SLC22A5: variants seen among roughly 807,000 people sequenced by gnomAD.
SLC22A5 encodes the protein solute carrier family 22 member 5, also known as organic cation/carnitine transporter 2.
In SLC22A5, 44 loss-of-function variants were observed where a neutral mutation model predicts 56.7. The ratio of observed to expected loss-of-function variants is 0.78; its 90% confidence interval spans 0.61 to 1.00. SLC22A5 has a LOEUF of 1.00. Among genes scored for constraint, SLC22A5 ranks in the 50% least tolerant of loss-of-function variants. The probability of loss-of-function intolerance (pLI) is 0.00; values close to 1 mark genes in which losing one functional copy is unlikely to be tolerated. For synonymous variants in SLC22A5, 278 were observed against 292.1 expected (o/e 0.95, Z 0.49); for missense variants, 675 against 723.0 (o/e 0.93, Z 0.76).
chr5:132,369,877 G>C lies in SLC22A5; in HGVS notation c.-96G>C. Reference sequence around the variant, plus strand: ...GACGGTCTTGGGTCGCCTGCTGCCTGGCTTGCCTGGTCGGCGGCGGGTGCC... The same window carrying C: ...GACGGTCTTGGGTCGCCTGCTGCCTCGCTTGCCTGGTCGGCGGCGGGTGCC... On this transcript the variant is annotated 5_prime_UTR_variant, in exon 1 of 10. Coordinates refer to ENST00000245407, the MANE Select transcript of SLC22A5 (RefSeq NM_003060.4). 6.6e-7 allele frequency: 1 copy of C among 1,514,294 alleles called. No homozygotes were observed. Among genetic ancestry groups the C allele is most frequent in the Non-Finnish European group, 8.9e-7 (1 of 1,129,552 alleles). 93.8% of individuals were successfully genotyped at this position (1,514,294 alleles called of 1,614,324 possible).
intron 3 of SLC22A5, among the ~76,000 whole-genome samples, chr5:132,384,578 A>G (rs1752460136): frequency 6.6e-6 from 1 of 152,122 alleles, no homozygotes; most frequent in African/African-American, 2.4e-5. Context: ...TTGATGGTCA[A>G]TTTACTAGGA....
rs370175430 is a variant in SLC22A5 at position 132,385,452 on chromosome 5, G to T, written c.777G>T (p.Leu259=). ...ACTTCATCCGAGACTGGCGGATGCT[G>T]CTGGTGGCGCTGACGATGCCGGGGG... The part of the protein sequence containing the change: ...FAYFIRDWRM[L]LVALTMPGVL... Residue 259 remains leucine, a synonymous_variant, in exon 4 of 10, where the codon CTG becomes CTT. Coordinates refer to ENST00000245407, the MANE Select transcript of SLC22A5 (RefSeq NM_003060.4). 9.9e-6 allele frequency: 16 copies of T among 1,614,212 alleles called. No homozygotes were observed. In the African/African-American group the frequency reaches 1.2e-4, roughly 12 times the overall value.
At position 132,369,719 on chromosome 5, in the gene SLC22A5, G is replaced by C. The variant is rs1311768713; in HGVS notation, c.-254G>C. On this transcript the variant is annotated 5_prime_UTR_variant, in exon 1 of 10. Coordinates refer to ENST00000245407, the MANE Select transcript of SLC22A5 (RefSeq NM_003060.4). The stretch of plus-strand genomic sequence containing the variant: ...GTCCCGCCCCAGCTCCGCCTTCGCC[G>C]GCGCCGCTCTGCCTGCCAGCGGGGC... 4.6e-6 allele frequency: 2 copies of C among 438,018 alleles called. No homozygotes were observed. The highest frequency in any genetic ancestry group is 7.8e-6 in the Non-Finnish European group (2 of 255,300). 27.1% of individuals were successfully genotyped at this position (438,018 alleles called of 1,614,324 possible).
intron 1 of SLC22A5, among the ~76,000 whole-genome samples, chr5:132,372,091 C>G (rs1751956829): frequency 6.6e-6 from 1 of 152,192 alleles, no homozygotes; most frequent in South Asian, 2.1e-4. Flanking sequence ...GATTTCTTAG[C>G]TAGTGACATA....
Position 132,394,526 on chromosome 5 carries a change from C to G in SLC22A5, c.*254C>G, listed in dbSNP as rs539999867. On this transcript the variant is annotated 3_prime_UTR_variant, in exon 10 of 10. Coordinates refer to ENST00000245407, the MANE Select transcript of SLC22A5 (RefSeq NM_003060.4). ...GTCCTAACTATTACAATGATGGACT[C>G]AGCACCTCCAAAGCAGTTAATTTTT... The G allele has an allele frequency of 7.3e-6, 4 of 549,170 alleles. No individual in the cohort carries two copies. The East Asian group carries it at 9.2e-5, about 13-fold the overall frequency. The allele number at this position is 549,170 out of a possible 1,614,324, so 34.0% of individuals were successfully genotyped here. A position where few individuals can be genotyped will look rare whatever the true frequency, so the allele number is the denominator to read the frequency against.
chr5:132,385,623 A>T (rs1266336875), intron 4 of SLC22A5, 124 bp downstream of exon 4: 7 of 818,874 alleles, frequency 8.5e-6, no homozygotes, highest in Non-Finnish European at 1.4e-5. Context: ...CATAGATTAT[A>T]AATTATTTCA....
intron 1 of SLC22A5, chr5:132,376,715 C>G (rs1752153129): frequency 6.6e-6 from 1 of 152,236 alleles, no homozygotes; most frequent in Non-Finnish European, 1.5e-5. Context: ...GACATGCTAG[C>G]TGGGAAATAG....
intron 5 of SLC22A5, 144 bp downstream of exon 5, chr5:132,387,295 C>T (rs565361990): frequency 9.2e-6 from 8 of 869,392 alleles, no homozygotes; most frequent in Admixed American, 2.0e-5. Flanking sequence ...CCCATCCCCC[C>T]ACTCCCCACC....
At chr5:132,384,066 C>T in intron 2 of SLC22A5, 81 bp from the exon 3 acceptor site, 1 of 1,420,812 alleles carries the variant, frequency 7.0e-7, no homozygotes. Flanking sequence ...CTGGATGGAT[C>T]TTGAGAAAGC....
chr5:132,393,074 C>T (rs1752762359), intron 8 of SLC22A5, among the ~76,000 whole-genome samples: 1 of 152,090 alleles, frequency 6.6e-6, no homozygotes, highest in South Asian at 2.1e-4. Flanking sequence ...TGTGAAGATC[C>T]ACCCCATGCC....
intron 2 of SLC22A5, chr5:132,383,576 G>C (rs1752421113): frequency 6.3e-6 from 1 of 158,908 alleles, no homozygotes; most frequent in Non-Finnish European, 1.4e-5. Flanking sequence ...GTCTCTTTAT[G>C]ATGTTAACAG....
At chr5:132,383,837 T>TA (rs1262833952) in intron 2 of SLC22A5, 26 of 340,280 alleles carry the variant, frequency 7.6e-5, no homozygotes, top group Non-Finnish European at 1.2e-4. Context: ...GATTCTTTTT[T>TA]AAAAAAAATA....
Position 132,369,996 on chromosome 5 carries a change from C to T in SLC22A5, c.24C>T (p.Thr8=). The change falls in exon 1 of 10, where the codon ACC becomes ACT. Residue 8 remains threonine, a synonymous_variant. Transcript: ENST00000245407. ...GCATGCGGGACTACGACGAGGTGAC[C>T]GCCTTCCTGGGCGAGTGGGGGCCCT... MRDYDEV[T]AFLGEWGPFQ... 2 of 1,613,256 alleles carry T rather than the reference C, an allele frequency of 1.2e-6. No individual in the cohort carries two copies. The highest frequency in any genetic ancestry group is 8.5e-7 in the Non-Finnish European group (1 of 1,179,704).
chr5:132,393,945 G>A (rs1352683502), intron 9 of SLC22A5, 134 bp downstream of exon 9: 5 of 1,109,358 alleles, frequency 4.5e-6, no homozygotes, highest in African/African-American at 3.1e-5. Flanking sequence ...TTAAAGGGTT[G>A]TAAATGGCAA....
chr5:132,386,651 G>A lies in SLC22A5; in HGVS notation c.825-374G>A, dbSNP rs80186217. 4.6e-3 allele frequency among the ~76,000 whole-genome samples: 698 copies of A among 152,330 alleles called. 5 individuals are homozygous for A. Among genetic ancestry groups the A allele is most frequent in the South Asian group, 8.7e-3 (42 of 4,834 alleles). Reference sequence around the variant, plus strand: ...CTTCTGTTGGTGCCGGGGACAGGGAGGAGAGTGTAGCAGGGCCTGGGCTGA... The same window carrying A: ...CTTCTGTTGGTGCCGGGGACAGGGAAGAGAGTGTAGCAGGGCCTGGGCTGA... On this transcript the variant is annotated intron_variant, in intron 4 of 9. Transcript: ENST00000245407.
chr5:132,384,004 C>G lies in SLC22A5; in HGVS notation c.498-143C>G, dbSNP rs78399358. On this transcript the variant is annotated intron_variant, in intron 2 of 9. Transcript: ENST00000245407. ...AGAAATAGCATGGGCACTGTGAGAC[C>G]GAGACTGTCCCTGGCAGCCAGTATT... 78,237 of 820,910 alleles carry G rather than the reference C, an allele frequency of 0.095. 4,307 individuals carry two copies. The highest frequency in any genetic ancestry group is 0.15 in the South Asian group (10,707 of 69,152). 50.9% of individuals were successfully genotyped at this position (820,910 alleles called of 1,614,324 possible).
At position 132,394,742 on chromosome 5, in the gene SLC22A5, T is replaced by C. The variant is rs187964154; in HGVS notation, c.*470T>C. The C allele has an allele frequency of 1.1e-5, 2 of 180,352 alleles. No individual in the cohort carries two copies. Among genetic ancestry groups the C allele is most frequent in the Admixed American group, 1.1e-4 (2 of 18,330 alleles). The allele number at this position is 180,352 out of a possible 1,614,324, so 11.2% of individuals were successfully genotyped here. On this transcript the variant is annotated 3_prime_UTR_variant, in exon 10 of 10. Coordinates refer to ENST00000245407, the MANE Select transcript of SLC22A5 (RefSeq NM_003060.4). ...CACAAGGAGTTTGATTCTTACCTTT[T>C]CTCAGTTACAGAGGACATTAACTGG... is the stretch of plus-strand genomic sequence containing the variant.
At chr5:132,374,482 T>C (rs910340578) in intron 1 of SLC22A5, among the ~76,000 whole-genome samples, 12 of 152,156 alleles carry the variant, frequency 7.9e-5, no homozygotes, top group African/African-American at 2.7e-4. Context: ...GGGCTGACTC[T>C]GGGCAGCAGA....
chr5:132,370,786 T>C (rs532324531), intron 1 of SLC22A5, among the ~76,000 whole-genome samples: 3 of 152,304 alleles, frequency 2.0e-5, no homozygotes, highest in African/African-American at 7.2e-5. Flanking sequence ...AGAGAAGAAA[T>C]ACTTCTCTTT....
Sources: allele counts gnomAD v4.1 joint callset (sites outside exome capture counted in the v4.1 genomes callset), GRCh38; gene constraint gnomAD v4.1.1; transcripts MANE v1.5; gene names NCBI Gene and HGNC (gene_info 2026-07-23, HGNC 2026-07-21).